Variants in GGA2 observed in about 807,000 individuals in gnomAD.
GGA2 encodes ADP-ribosylation factor-binding protein GGA2.
GGA2 carries 48 observed loss-of-function variants against 79.5 expected under a neutral mutation model. The ratio of observed to expected loss-of-function variants is 0.60; its 90% CI spans 0.48 to 0.77. The LOEUF (loss-of-function observed/expected upper bound fraction) is 0.77, where lower values mean the gene tolerates loss of function less well. GGA2 is among the 30% of genes least tolerant of loss of function. The pLI, the probability that GGA2 is intolerant of heterozygous loss-of-function variation, is 0.00. For synonymous variants in GGA2, 317 were observed against 302.0 expected (o/e 1.05, Z -0.51); for missense variants, 770 against 774.0 (o/e 0.99, Z 0.06).
In GGA2 at chr16:23,478,363, C is replaced by T; in HGVS notation, c.1292+5G>A. The T allele has an allele frequency of 6.3e-7, 1 of 1,576,626 alleles. No individual in the cohort carries two copies. Among genetic ancestry groups the T allele is most frequent in the Non-Finnish European group, 8.6e-7 (1 of 1,160,064 alleles). On this transcript the variant is annotated splice_donor_5th_base_variant and intron_variant, in intron 13 of 16. Coordinates refer to ENST00000309859, the MANE Select transcript of GGA2 (RefSeq NM_015044.4). Reference sequence around the variant, plus strand: ...TCTCCCACTCCCCTTGCCCAGAAGACTCACAGAGGGCACGGAGCTGGCTGT... The same window carrying T: ...TCTCCCACTCCCCTTGCCCAGAAGATTCACAGAGGGCACGGAGCTGGCTGT...
intron 2 of GGA2, among the ~76,000 whole-genome samples, chr16:23,519,319 A>G (rs1398879240): frequency 6.6e-6 from 1 of 152,184 alleles, no homozygotes; most frequent in African/African-American, 2.4e-5. Context: ...CTGGGATTAC[A>G]TGCATGAGCC....
chr16:23,469,756 A>C (rs1964486336), intron 15 of GGA2, among the ~76,000 whole-genome samples: 1 of 152,220 alleles, frequency 6.6e-6, no homozygotes, highest in South Asian at 2.1e-4. Context: ...GGTGCCAAAG[A>C]AAAGCAGAGT....
chr16:23,487,438 AG>A (rs2142127734), intron 6 of GGA2, among the ~76,000 whole-genome samples: 1 of 152,292 alleles, frequency 6.6e-6, no homozygotes, highest in Non-Finnish European at 1.5e-5. Context: ...TACAGTGCAC[AG>A]GACAGTCCCC....
rs1322005982 is a variant in GGA2 at position 23,479,813 on chromosome 16, T to A, written c.1081A>T (p.Met361Leu). 1.9e-6 allele frequency: 3 copies of A among 1,614,032 alleles called. No homozygotes were observed. The highest frequency in any genetic ancestry group is 1.7e-6 in the Non-Finnish European group (2 of 1,180,024). ...AGCAAAGATGGCACCACAGTCCCCA[T>A]CTGCGCAGGTCCATTGTCCACCTCC... ...DLEVDNGPAQ[M>L]GTVVPSLLHQ... Residue 361 changes from methionine to leucine, a missense_variant, in exon 11 of 17, where the codon ATG becomes TTG. Coordinates refer to ENST00000309859, the MANE Select transcript of GGA2 (RefSeq NM_015044.4).
chr16:23,477,114 G>A (rs1436861750), intron 13 of GGA2, among the ~76,000 whole-genome samples: 3 of 152,106 alleles, frequency 2.0e-5, no homozygotes, highest in Non-Finnish European at 4.4e-5. Context: ...ACCACGCCTG[G>A]CTAATTTTAG....
Position 23,465,937 on chromosome 16 carries a change from C to CCT in GGA2, c.*1651_*1652dup, listed in dbSNP as rs1964431618. On this transcript the variant is annotated 3_prime_UTR_variant, in exon 17 of 17. Coordinates refer to ENST00000309859, the MANE Select transcript of GGA2 (RefSeq NM_015044.4). ...GCCTGAGTGACAGAGTGAGATATGG[C>CCT]CTCAAAAAACAAAAAAAAGCCACAC... 1 of 152,302 alleles carries CCT rather than the reference C, an allele frequency of 6.6e-6. No homozygotes were observed. Among genetic ancestry groups the CCT allele is most frequent in the South Asian group, 2.1e-4 (1 of 4,834 alleles). 9.4% of individuals were successfully genotyped at this position (152,302 alleles called of 1,614,324 possible). A position where few individuals can be genotyped will look rare whatever the true frequency, so the allele number is the denominator to read the frequency against.
chr16:23,470,933 G>A (rs937842706), intron 14 of GGA2, among the ~76,000 whole-genome samples: 12 of 136,414 alleles, frequency 8.8e-5, no homozygotes, highest in African/African-American at 3.0e-4. Flanking sequence ...GGATTCAAAC[G>A]ATTCTCCCAC....
At position 23,463,944 on chromosome 16, in the gene GGA2, G is replaced by A. The variant is rs1302937888; in HGVS notation, c.*3646C>T. ...ATCACGCCACTGCACTCCAGCCTGG[G>A]CAACAGAGCAAAGCCCTGTCTCAAG... On this transcript the variant is annotated 3_prime_UTR_variant, in exon 17 of 17. Coordinates refer to ENST00000309859, the MANE Select transcript of GGA2 (RefSeq NM_015044.4). 6.6e-6 allele frequency: 1 copy of A among 152,246 alleles called. No homozygotes were observed. The highest frequency in any genetic ancestry group is 2.4e-5 in the African/African-American group (1 of 41,438). 9.4% of individuals were successfully genotyped at this position (152,246 alleles called of 1,614,324 possible). A position where few individuals can be genotyped will look rare whatever the true frequency, so the allele number is the denominator to read the frequency against.
chr16:23,480,257 T>G (rs772108972), intron 10 of GGA2: 83 of 313,822 alleles, frequency 2.6e-4, no homozygotes, highest in Admixed American at 1.4e-4. Context: ...CAAGCAGTCT[T>G]GATTCAGAAG....
intron 1 of GGA2, among the ~76,000 whole-genome samples, chr16:23,503,692 C>T (rs777928906): frequency 1.2e-4 from 19 of 152,198 alleles, no homozygotes; most frequent in Non-Finnish European, 2.8e-4. Flanking sequence ...CACTTTAGCT[C>T]CACTGCATAC....
At chr16:23,478,328 G>A in intron 13 of GGA2, 40 bp downstream of exon 13, 4 of 1,522,060 alleles carry the variant, frequency 2.6e-6, no homozygotes, top group Non-Finnish European at 8.8e-7. Flanking sequence ...ACCGCACTCA[G>A]GAGCCACACT....
At chr16:23,470,768 A>AAAC (rs1370850579) in intron 14 of GGA2, among the ~76,000 whole-genome samples, 7 of 103,180 alleles carry the variant, frequency 6.8e-5, no homozygotes, top group African/African-American at 2.0e-4. Flanking sequence ...AACAAACAAA[A>AAAC]AACAAAAAGC....
At chr16:23,491,503 AG>A (rs1964786408) in intron 5 of GGA2, among the ~76,000 whole-genome samples, 173 bp downstream of exon 5, 2 of 146,796 alleles carry the variant, frequency 1.4e-5, no homozygotes, top group Admixed American at 7.1e-5. Context: ...TGGCTTTTAA[AG>A]GTAAGTAGAT....
chr16:23,494,360 C>G lies in GGA2; in HGVS notation c.195G>C (p.Trp65Cys). Reference sequence around the variant, plus strand: ...GAGACTGGATCTTGTGGGCCAGTAGCCAGGGCGCATGTGTGGGGCTACAGG... The same window carrying G: ...GAGACTGGATCTTGTGGGCCAGTAGGCAGGGCGCATGTGTGGGGCTACAGG... ...TDPNGPTHAP[W>C]LLAHKIQSPQ... The change falls in exon 3 of 17, where the codon TGG becomes TGC. Residue 65 changes from tryptophan to cysteine, a missense_variant. Coordinates refer to ENST00000309859, the MANE Select transcript of GGA2 (RefSeq NM_015044.4). 6.2e-7 allele frequency: 1 copy of G among 1,612,386 alleles called. No individual in the cohort carries two copies. Among genetic ancestry groups the G allele is most frequent in the Non-Finnish European group, 8.5e-7 (1 of 1,178,390 alleles).
chr16:23,510,093 C>CGGAGGG (rs1965020209), intron 1 of GGA2, among the ~76,000 whole-genome samples: 1 of 8,660 alleles, frequency 1.2e-4, no homozygotes, highest in South Asian at 2.6e-3. Flanking sequence ...GGGGGGTGGG[C>CGGAGGG]GGAGGGGGAG....
intron 1 of GGA2, among the ~76,000 whole-genome samples, chr16:23,505,929 CT>C (rs1567370516): frequency 6.6e-6 from 1 of 152,068 alleles, no homozygotes; most frequent in Admixed American, 6.6e-5. Context: ...CTTTACTTTC[CT>C]TTTTTTGGTA....
intron 14 of GGA2, 126 bp from the exon 15 acceptor site, chr16:23,470,291 T>G: frequency 3.2e-6 from 2 of 632,702 alleles, no homozygotes; most frequent in Non-Finnish European, 5.1e-6. Context: ...TGTCCAGGAC[T>G]GAATTCCTCT....
At chr16:23,469,293 G>T in intron 15 of GGA2, 1 of 324,648 alleles carries the variant, frequency 3.1e-6, no homozygotes, top group Non-Finnish European at 6.0e-6. Context: ...AATTCTAACT[G>T]CTTCTCACTA....
intron 11 of GGA2, among the ~76,000 whole-genome samples, chr16:23,479,208 G>A (rs1437650841): frequency 6.6e-6 from 1 of 151,880 alleles, no homozygotes; most frequent in Non-Finnish European, 1.5e-5. Flanking sequence ...TGCTTCCTGA[G>A]GGGACCAGCT....
Sources: allele counts gnomAD v4.1 joint callset (sites outside exome capture counted in the v4.1 genomes callset), GRCh38; gene constraint gnomAD v4.1.1; transcripts MANE v1.5; gene names NCBI Gene and HGNC (gene_info 2026-07-23, HGNC 2026-07-21).